Variants in SP3 observed in about 807,000 individuals in gnomAD.
The protein encoded by SP3 is transcription factor Sp3.
A neutral mutation model predicts 70.3 loss-of-function variants in SP3; 10 were observed. The ratio of observed to expected loss-of-function variants is 0.14; its 90% CI spans 0.09 to 0.24. SP3 has a LOEUF of 0.24. Ranked by LOEUF, SP3 falls within the 10% of genes least tolerant of loss-of-function variation. The pLI, the probability that SP3 is intolerant of heterozygous loss-of-function variation, is 1.00. For synonymous variants in SP3, 402 were observed against 333.5 expected (o/e 1.21, Z -2.24); for missense variants, 825 against 914.6 (o/e 0.90, Z 1.26).
At chr2:173,932,569 C>T (rs986697437) in intron 4 of SP3, among the ~76,000 whole-genome samples, 18 of 152,136 alleles carry the variant, frequency 1.2e-4, no homozygotes, top group Non-Finnish European at 1.9e-4. Flanking sequence ...CTGGTCGTTG[C>T]AACAGTCAGA....
intron 2 of SP3, 115 bp downstream of exon 2, chr2:173,964,280 GGGAGGGGAGT>G (rs1262630207): frequency 4.6e-5 from 24 of 522,906 alleles, no homozygotes; most frequent in Non-Finnish European, 6.4e-5. Flanking sequence ...CCGGGGCGGG[GGGAGGGGAGT>G]GGAGGGGAGG....
intron 4 of SP3, among the ~76,000 whole-genome samples, chr2:173,929,069 G>GTCCAGGCTCCCCTTGATACATGCT (rs1391663484): frequency 6.6e-6 from 1 of 151,812 alleles, no homozygotes; most frequent in Admixed American, 6.5e-5. Context: ...TGCCTCAGGA[G>GTCCAGGCTCCCCTTGATACATGCT]TCCAGGCTCC....
At chr2:173,938,631 A>G (rs920549630) in intron 4 of SP3, among the ~76,000 whole-genome samples, 99 of 152,216 alleles carry the variant, frequency 6.5e-4, no homozygotes, top group Non-Finnish European at 1.0e-4. Context: ...CCAATCCCAA[A>G]ACAAGAAATA....
chr2:173,958,795 A>G, intron 3 of SP3, among the ~76,000 whole-genome samples: 1 of 151,948 alleles, frequency 6.6e-6, no homozygotes, highest in South Asian at 2.1e-4. Context: ...AAAAAAGCTC[A>G]GAACTGAGTT....
intron 4 of SP3, among the ~76,000 whole-genome samples, chr2:173,938,724 C>T (rs1276771261): frequency 1.3e-5 from 2 of 151,996 alleles, no homozygotes; most frequent in Non-Finnish European, 2.9e-5. Flanking sequence ...GGGAAGGCTG[C>T]GGGATAAGGC....
At chr2:173,964,370 G>C (rs1322969172) in intron 2 of SP3, 35 bp downstream of exon 2, 5 of 673,900 alleles carry the variant, frequency 7.4e-6, no homozygotes, top group East Asian at 3.0e-5. Flanking sequence ...AGCGGCGCGA[G>C]GGGGGAGCCG....
intron 4 of SP3, among the ~76,000 whole-genome samples, chr2:173,949,281 C>T (rs867516311): frequency 5.4e-4 from 80 of 148,828 alleles, no homozygotes; most frequent in African/African-American, 1.8e-3. Context: ...GTTAGAATCA[C>T]AAATAAAAAT....
intron 4 of SP3, among the ~76,000 whole-genome samples, chr2:173,934,996 A>T (rs1384971100): frequency 1.3e-5 from 2 of 152,224 alleles, no homozygotes; most frequent in Non-Finnish European, 2.9e-5. Flanking sequence ...TAAATATAGC[A>T]GCAAATTTTG....
chr2:173,901,503 C>G lies in SP3; in HGVS notation c.*8438G>C, dbSNP rs530940897. Among the ~76,000 whole-genome samples the G allele has an allele frequency of 6.6e-6, 1 of 152,160 alleles. No individual in the cohort carries two copies. Among genetic ancestry groups the G allele is most frequent in the South Asian group, 2.1e-4 (1 of 4,828 alleles). On this transcript the variant is annotated 3_prime_UTR_variant, in exon 7 of 7. Transcript: ENST00000310015. ...AAAGCAAGTGGGCAAAGGATTCAAACAGGCAACTCCCATCAGAGGAAAATG... is the reference window on the plus strand; with the variant it reads ...AAAGCAAGTGGGCAAAGGATTCAAAGAGGCAACTCCCATCAGAGGAAAATG...
intron 1 of SP3, 75 bp downstream of exon 1, chr2:173,965,090 G>A (rs1249437148): frequency 7.8e-6 from 12 of 1,533,120 alleles, no homozygotes; most frequent in East Asian, 5.0e-5. Flanking sequence ...CGGCGGCAGC[G>A]GCCCCGGGCT....
rs1689218984 is a variant in SP3 at position 173,903,100 on chromosome 2, G to C, written c.*6841C>G. Among the ~76,000 whole-genome samples the C allele has an allele frequency of 6.6e-6, 1 of 152,176 alleles. No individual in the cohort carries two copies. The highest frequency in any genetic ancestry group is 1.5e-5 in the Non-Finnish European group (1 of 68,034). On this transcript the variant is annotated 3_prime_UTR_variant, in exon 7 of 7. Transcript: ENST00000310015. ...TTGGCTGACAATTAGGTGGATCAAG[G>C]TGACTTAACAAGGTGAATTAACTCA...
chr2:173,922,290 G>GT (rs768648740), intron 4 of SP3, among the ~76,000 whole-genome samples: 7,317 of 144,438 alleles, frequency 0.051, 243 homozygotes, highest in Admixed American at 0.12. Context: ...CACTCCCAAG[G>GT]TTTTTTTTTT....
chr2:173,962,578 C>T (rs1691121571), intron 3 of SP3, among the ~76,000 whole-genome samples: 1 of 152,104 alleles, frequency 6.6e-6, no homozygotes, highest in African/African-American at 2.4e-5. Flanking sequence ...TAAAACTATT[C>T]ACATCCCCTA....
intron 3 of SP3, among the ~76,000 whole-genome samples, chr2:173,957,014 C>T (rs1690917363): frequency 6.6e-6 from 1 of 152,126 alleles, no homozygotes; most frequent in Non-Finnish European, 1.5e-5. Context: ...CAATGGGAAT[C>T]TCAATGGGAC....
At chr2:173,916,816 T>G (rs1474484423) in intron 5 of SP3, 1 of 152,034 alleles carries the variant, frequency 6.6e-6, no homozygotes, top group African/African-American at 2.4e-5. Flanking sequence ...AAGACATACG[T>G]GTAAGATTAT....
intron 3 of SP3, among the ~76,000 whole-genome samples, chr2:173,958,051 T>C (rs1195563797): frequency 6.6e-6 from 1 of 152,120 alleles, no homozygotes; most frequent in African/African-American, 2.4e-5. Context: ...TACTAAAATC[T>C]ACACTAAAGT....
chr2:173,955,196 A>G lies in SP3; in HGVS notation c.1316T>C (p.Leu439Pro). 1 of 1,614,146 alleles carries G rather than the reference A, an allele frequency of 6.2e-7. No homozygotes were observed. Among genetic ancestry groups the G allele is most frequent in the South Asian group, 1.1e-5 (1 of 91,074 alleles). Residue 439 changes from leucine (L) to proline (P), a missense_variant, in exon 4 of 7, where the codon CTT becomes CCT. By Grantham distance (98) the Leu-to-Pro change is moderately conservative. This residue lies in a region of SP3 where 678 missense variants were observed against 651.6 expected (regional missense o/e 1.04). Transcript: ENST00000310015. Reference protein sequence around the residue: ...QNISQQALQNLQLQLNPGTFL... With the variant: ...QNISQQALQNPQLQLNPGTFL... The stretch of plus-strand genomic sequence containing the variant: ...GGTTCCAGGATTCAGCTGCAACTGA[A>G]GATTTTGCAAAGCCTGTTGTGATAT...
At chr2:173,935,947 A>G (rs76944984) in intron 4 of SP3, among the ~76,000 whole-genome samples, 4,626 of 150,638 alleles carry the variant, frequency 0.031, 258 homozygotes, top group African/African-American at 0.11. Context: ...TATAAAATTC[A>G]TACTTTGAAA....
chr2:173,953,775 A>C (rs866904361), intron 4 of SP3, among the ~76,000 whole-genome samples: 5,495 of 77,738 alleles, frequency 0.071, 380 homozygotes, highest in African/African-American at 0.21. Flanking sequence ...CTCAAAAAAC[A>C]AAACAAAACA....
Sources: gnomAD v4.1 joint callset for allele counts (sites outside exome capture counted in the v4.1 genomes callset) on GRCh38, gnomAD v4.1.1 for gene constraint, gnomAD v4.1.1 regional missense constraint, MANE v1.5 for transcripts, NCBI Gene and HGNC (gene_info 2026-07-23, HGNC 2026-07-21) for gene names.